The following INSYN2B variants were observed in gnomAD, a reference collection of about 807,000 sequenced individuals.
INSYN2B encodes protein INSYN2B.
Under a neutral mutation model 41.2 loss-of-function variants are expected in INSYN2B, and 16 were observed. That is an observed-to-expected ratio of 0.39 (90% CI 0.26 to 0.59). INSYN2B has a LOEUF of 0.59. Among genes scored for constraint, INSYN2B ranks in the 20% least tolerant of loss-of-function variants. The pLI, the probability that INSYN2B is intolerant of heterozygous loss-of-function variation, is 0.57. For missense variants in INSYN2B, 608 were observed against 646.4 expected (o/e 0.94, Z 0.64); for synonymous variants, 245 against 244.4 (o/e 1.00, Z -0.02).
At chr5:169,892,502 G>C (rs1581370156) in intron 1 of INSYN2B, among the ~76,000 whole-genome samples, 1 of 152,236 alleles carries the variant, frequency 6.6e-6, no homozygotes, top group Non-Finnish European at 1.5e-5. Context: ...GGCCCACCTG[G>C]TTCCAGCTCA....
In INSYN2B at chr5:169,870,575, C is replaced by T. The variant is rs183010793; in HGVS notation, c.1422-6116G>A. Reference sequence around the variant, plus strand: ...GTATTTTAGATCTGTGGGTTTTTTTCTTCTTTTTTTAATTTTTTGATTTTT... The same window carrying T: ...GTATTTTAGATCTGTGGGTTTTTTTTTTCTTTTTTTAATTTTTTGATTTTT... On this transcript the variant is annotated intron_variant, in intron 3 of 3. Transcript: ENST00000377365. Among the ~76,000 whole-genome samples, 56 of 151,608 alleles carry T rather than the reference C, an allele frequency of 3.7e-4. No individual in the cohort carries two copies. The East Asian group carries it at 6.8e-3, about 18-fold the overall frequency.
intron 1 of INSYN2B, among the ~76,000 whole-genome samples, chr5:169,936,719 T>C (rs1012125571): frequency 1.3e-5 from 2 of 151,834 alleles, no homozygotes; most frequent in East Asian, 1.9e-4. Flanking sequence ...CCAGCCTATA[T>C]AGATTTGGTG....
chr5:169,919,054 G>A (rs1225232260), intron 1 of INSYN2B, among the ~76,000 whole-genome samples: 2 of 152,070 alleles, frequency 1.3e-5, no homozygotes, highest in Admixed American at 6.6e-5. Flanking sequence ...GGTGGTCAAG[G>A]GTGACTTTAA....
intron 1 of INSYN2B, among the ~76,000 whole-genome samples, chr5:169,936,705 C>T (rs259905): frequency 0.3 from 45,569 of 151,176 alleles, 7,489 homozygotes; most frequent in African/African-American, 0.42. Context: ...CTGGGGGGCG[C>T]GCTCCAGCCT....
At chr5:169,870,159 T>C (rs1771862087) in intron 3 of INSYN2B, among the ~76,000 whole-genome samples, 1 of 152,196 alleles carries the variant, frequency 6.6e-6, no homozygotes, top group Non-Finnish European at 1.5e-5. Context: ...TCCAAGGAGA[T>C]GTCTGAACAC....
At position 169,961,665 on chromosome 5, in the gene INSYN2B, G is replaced by A. The variant is rs141147002; in HGVS notation, c.-919+18612C>T. Among the ~76,000 whole-genome samples the A allele has an allele frequency of 2.1e-3, 327 of 152,192 alleles. 1 individual carries two copies. Among genetic ancestry groups the A allele is most frequent in the African/African-American group, 7.6e-3 (317 of 41,538 alleles). ...TTGTGACAAGTGCTAAGAAGGACAA[G>A]TATAAAGTTTTTTAAGAAGAATAGA... On this transcript the variant is annotated intron_variant, in intron 1 of 3. Transcript: ENST00000377365.
At position 169,969,033 on chromosome 5, in the gene INSYN2B, G is replaced by A. The variant is rs146089461; in HGVS notation, c.-919+11244C>T. On this transcript the variant is annotated intron_variant, in intron 1 of 3. Coordinates refer to ENST00000377365, the MANE Select transcript of INSYN2B (RefSeq NM_001129891.3). Reference sequence around the variant, plus strand: ...GATGTGGTGACATGTGCCTATGGTCGCAGCTTCTCTGGAGGCTGAGGTGAG... The same window carrying A: ...GATGTGGTGACATGTGCCTATGGTCACAGCTTCTCTGGAGGCTGAGGTGAG... 3.3e-3 allele frequency among the ~76,000 whole-genome samples: 510 copies of A among 152,252 alleles called. 4 individuals are homozygous for A. The highest frequency in any genetic ancestry group is 0.012 in the African/African-American group (493 of 41,552).
intron 1 of INSYN2B, among the ~76,000 whole-genome samples, chr5:169,972,786 G>C (rs17670695): frequency 4.6e-5 from 7 of 152,244 alleles, no homozygotes; most frequent in African/African-American, 1.2e-4. Flanking sequence ...TCTAGGAAGC[G>C]GGAAAAATGT....
intron 1 of INSYN2B, among the ~76,000 whole-genome samples, chr5:169,917,434 G>A (rs1774935081): frequency 1.3e-5 from 2 of 152,166 alleles, no homozygotes; most frequent in Admixed American, 1.3e-4. Context: ...TTGGTGCAAA[G>A]TTTGAGCTCT....
chr5:169,978,460 G>T (rs1301714661), intron 1 of INSYN2B, among the ~76,000 whole-genome samples: 1 of 146,550 alleles, frequency 6.8e-6, no homozygotes, highest in East Asian at 2.0e-4. Context: ...GTTGAATGTT[G>T]TACACTAAAA....
chr5:169,898,513 G>GCACA (rs374367406), intron 1 of INSYN2B, among the ~76,000 whole-genome samples: 2 of 150,800 alleles, frequency 1.3e-5, no homozygotes, highest in African/African-American at 2.5e-5. Flanking sequence ...TCCTCTACAT[G>GCACA]CACACACACA....
intron 1 of INSYN2B, among the ~76,000 whole-genome samples, chr5:169,901,880 C>T (rs1446910440): frequency 6.6e-6 from 1 of 152,216 alleles, no homozygotes; most frequent in African/African-American, 2.4e-5. Flanking sequence ...GCTACCCCTT[C>T]CTCTGCATGG....
At chr5:169,903,983 T>C (rs1239279683) in intron 1 of INSYN2B, among the ~76,000 whole-genome samples, 2 of 150,188 alleles carry the variant, frequency 1.3e-5, no homozygotes, top group African/African-American at 4.9e-5. Context: ...TCCCAGTTAC[T>C]CGGGAGGGCT....
intron 1 of INSYN2B, among the ~76,000 whole-genome samples, chr5:169,938,658 G>A (rs532200782): frequency 8.5e-5 from 13 of 152,228 alleles, no homozygotes; most frequent in African/African-American, 2.4e-4. Flanking sequence ...GGCTTAGGAT[G>A]GTTACTGTAC....
At chr5:169,915,805 A>C (rs375245079) in intron 1 of INSYN2B, among the ~76,000 whole-genome samples, 1 of 152,212 alleles carries the variant, frequency 6.6e-6, no homozygotes, top group South Asian at 2.1e-4. Flanking sequence ...GATATCCCAA[A>C]ACTGAGCTGG....
At chr5:169,890,150 G>A (rs1309907461) in intron 1 of INSYN2B, among the ~76,000 whole-genome samples, 1 of 152,212 alleles carries the variant, frequency 6.6e-6, no homozygotes, top group African/African-American at 2.4e-5. Flanking sequence ...CAGCCTCGGG[G>A]CTCTGGTGGA....
At chr5:169,925,211 A>C (rs948382032) in intron 1 of INSYN2B, among the ~76,000 whole-genome samples, 3 of 152,220 alleles carry the variant, frequency 2.0e-5, no homozygotes, top group Non-Finnish European at 4.4e-5. Context: ...TCAGTCAGGC[A>C]GCCCTAGCTT....
chr5:169,927,245 C>T (rs529354375), intron 1 of INSYN2B, among the ~76,000 whole-genome samples: 3 of 152,064 alleles, frequency 2.0e-5, no homozygotes, highest in South Asian at 2.1e-4. Flanking sequence ...CAGATGAATT[C>T]GGAGAGGTAG....
intron 1 of INSYN2B, among the ~76,000 whole-genome samples, chr5:169,890,273 C>A (rs139417654): frequency 7.2e-5 from 11 of 152,256 alleles, no homozygotes; most frequent in African/African-American, 2.4e-4. Flanking sequence ...GTCTTCCACT[C>A]TTTTTCTATC....
Sources: gnomAD v4.1 joint callset for allele counts (sites outside exome capture counted in the v4.1 genomes callset) on GRCh38, gnomAD v4.1.1 for gene constraint, MANE v1.5 for transcripts, NCBI Gene and HGNC (gene_info 2026-07-23, HGNC 2026-07-21) for gene names.